Variants in SMC5 observed in about 807,000 individuals in gnomAD.
SMC5 encodes structural maintenance of chromosomes protein 5.
Under a neutral mutation model 148.3 loss-of-function variants are expected in SMC5, and 88 were observed. The ratio of observed to expected loss-of-function variants is 0.59; its 90% CI spans 0.50 to 0.71. The LOEUF is 0.71. SMC5 is among the 30% of genes least tolerant of loss of function. SMC5 has a pLI of 0.00. For missense variants in SMC5, 1,142 were observed against 1,298.9 expected, an observed-to-expected ratio of 0.88 and a Z score of 1.86; for synonymous variants, 421 against 432.8, an observed-to-expected ratio of 0.97 and a Z score of 0.34.
At chr9:70,290,131 T>A (rs189147547) in intron 8 of SMC5, among the ~76,000 whole-genome samples, 148 of 152,296 alleles carry the variant, frequency 9.7e-4, no homozygotes, top group Non-Finnish European at 1.6e-3. Context: ...GGATAAAGGA[T>A]AATCAGCCTG....
At chr9:70,345,062 T>A (rs1009777214) in intron 18 of SMC5, among the ~76,000 whole-genome samples, 1 of 152,172 alleles carries the variant, frequency 6.6e-6, no homozygotes, top group Non-Finnish European at 1.5e-5. Flanking sequence ...ATTGGATACA[T>A]ACTAGGAACT....
At chr9:70,271,727 A>G (rs571972797) in intron 3 of SMC5, among the ~76,000 whole-genome samples, 73 of 152,216 alleles carry the variant, frequency 4.8e-4, no homozygotes, top group Admixed American at 1.4e-3. Flanking sequence ...TCTCACTGAG[A>G]AGATAGGATT....
At chr9:70,312,315 C>T (rs74472982) in intron 11 of SMC5, among the ~76,000 whole-genome samples, 203 of 152,112 alleles carry the variant, frequency 1.3e-3, no homozygotes, top group African/African-American at 4.7e-3. Context: ...GGAACTGCAA[C>T]AGACTTTTAA....
At chr9:70,304,502 C>T (rs1490269416) in intron 10 of SMC5, among the ~76,000 whole-genome samples, 1 of 152,120 alleles carries the variant, frequency 6.6e-6, no homozygotes, top group African/African-American at 2.4e-5. Context: ...GCCTGGCCAA[C>T]ATGATTAAAC....
chr9:70,324,057 A>G lies in SMC5; in HGVS notation c.2311A>G (p.Ile771Val). The change falls in exon 17 of 25, where the codon ATT becomes GTT. Residue 771 changes from isoleucine to valine, a missense_variant. By Grantham distance (29) the Ile-to-Val change is conservative. This residue lies in a region of SMC5 where 743 missense variants were observed against 835.7 expected (regional missense o/e 0.89). Transcript: ENST00000361138. Reference sequence around the variant, plus strand: ...TTTGCATATACAAAAAGTAGATTTAATTCTCCAAAATACTACAGTGATCTC... The same window carrying G: ...TTTGCATATACAAAAAGTAGATTTAGTTCTCCAAAATACTACAGTGATCTC... Reference protein sequence around the residue: ...TSLHIQKVDLILQNTTVISEK... With the variant: ...TSLHIQKVDLVLQNTTVISEK... 6.3e-6 allele frequency: 10 copies of G among 1,588,018 alleles called. No individual in the cohort carries two copies. Among genetic ancestry groups the G allele is most frequent in the Admixed American group, 1.9e-5 (1 of 51,922 alleles).
At chr9:70,318,025 G>A (rs925046486) in intron 13 of SMC5, among the ~76,000 whole-genome samples, 3 of 152,086 alleles carry the variant, frequency 2.0e-5, no homozygotes, top group Non-Finnish European at 2.9e-5. Flanking sequence ...GTATAGTAGC[G>A]TAGAAGTATA....
intron 20 of SMC5, 37 bp from the exon 21 acceptor site, chr9:70,347,576 A>T: frequency 9.2e-7 from 1 of 1,089,016 alleles, no homozygotes; most frequent in Non-Finnish European, 1.3e-6. Context: ...ATCCTTTGGT[A>T]GATTTATCTT....
At chr9:70,289,842 T>C (rs1468487574) in intron 8 of SMC5, among the ~76,000 whole-genome samples, 1 of 151,624 alleles carries the variant, frequency 6.6e-6, no homozygotes, top group African/African-American at 2.4e-5. Context: ...CCCATGTCAG[T>C]ATCATCAGAA....
chr9:70,266,613 G>A (rs1405140018), intron 2 of SMC5, among the ~76,000 whole-genome samples: 2 of 152,118 alleles, frequency 1.3e-5, no homozygotes, highest in Non-Finnish European at 2.9e-5. Flanking sequence ...TTTTAAGGGA[G>A]GCTGTGGAGT....
rs754143386 is a variant in SMC5, at chr9:70,315,508, A to G, written c.1736A>G (p.Tyr579Cys). Reference protein sequence around the residue: ...LFDAPDPVMSYLCCQYHIHEV... With the variant: ...LFDAPDPVMSCLCCQYHIHEV... ...GATGCACCTGATCCTGTAATGAGTTACCTTTGCTGTCAGTATCATATTCAT... is the reference window on the plus strand; with the variant it reads ...GATGCACCTGATCCTGTAATGAGTTGCCTTTGCTGTCAGTATCATATTCAT... The change falls in exon 13 of 25, where the codon TAC becomes TGC. Residue 579 changes from tyrosine to cysteine, a missense_variant. By Grantham distance (194) the Tyr-to-Cys change is radical. Coordinates refer to ENST00000361138, the MANE Select transcript of SMC5 (RefSeq NM_015110.4). 6.2e-7 allele frequency: 1 copy of G among 1,600,056 alleles called. No individual in the cohort carries two copies. The highest frequency in any genetic ancestry group is 1.3e-5 in the African/African-American group (1 of 74,636).
chr9:70,261,576 A>T (rs771109272), intron 1 of SMC5, among the ~76,000 whole-genome samples: 2 of 152,222 alleles, frequency 1.3e-5, no homozygotes, highest in Non-Finnish European at 2.9e-5. Flanking sequence ...TCTAAGAGAG[A>T]TGTTCTATAG....
At chr9:70,315,378 T>A in intron 12 of SMC5, 68 bp from the exon 13 acceptor site, 1 of 1,132,052 alleles carries the variant, frequency 8.8e-7, no homozygotes, top group Non-Finnish European at 1.2e-6. Flanking sequence ...TATTGGTGGC[T>A]TATCAACTCC....
intron 8 of SMC5, among the ~76,000 whole-genome samples, chr9:70,287,011 C>T (rs1454444087): frequency 6.6e-6 from 1 of 152,134 alleles, no homozygotes; most frequent in African/African-American, 2.4e-5. Flanking sequence ...GCCACTGCCC[C>T]TGACTGGAAC....
rs2036858007 is a variant in SMC5 at position 70,354,144 on chromosome 9, T to G, written c.*1813T>G. 1.3e-5 allele frequency: 2 copies of G among 152,226 alleles called. No homozygotes were observed. The highest frequency in any genetic ancestry group is 2.9e-5 in the Non-Finnish European group (2 of 68,034). 9.4% of individuals were successfully genotyped at this position (152,226 alleles called of 1,614,324 possible). ...TGAATTTTGAGCTGTGAAGAATAAA[T>G]TATGTATCATTTTAGCATATTAAAC... On this transcript the variant is annotated 3_prime_UTR_variant, in exon 25 of 25. Transcript: ENST00000361138.
intron 22 of SMC5, among the ~76,000 whole-genome samples, chr9:70,349,315 C>G (rs1004039657): frequency 8.5e-5 from 13 of 152,302 alleles, no homozygotes; most frequent in African/African-American, 2.6e-4. Context: ...GATCCACCCC[C>G]CTCGGCCTCC....
Position 70,297,992 on chromosome 9 carries a change from A to G in SMC5, c.1080A>G (p.Ile360Met), listed in dbSNP as rs549857669. The G allele has an allele frequency of 1.2e-6, 2 of 1,613,666 alleles. No individual in the cohort carries two copies. Among genetic ancestry groups the G allele is most frequent in the Non-Finnish European group, 1.7e-6 (2 of 1,179,870 alleles). Residue 360 changes from isoleucine to methionine, a missense_variant, in exon 9 of 25, where the codon ATA (isoleucine) becomes ATG (methionine). Physicochemically the swap from Ile to Met is conservative, Grantham distance 10. Transcript: ENST00000361138. ...TTGAGGAACTTCAGCAGGCTTTAAT[A>G]GTAAAGCAAAATGAAGAGCTTGACC... ...KHIEELQQAL[I>M]VKQNEELDRQ...
intron 10 of SMC5, 26 bp from the exon 11 acceptor site, chr9:70,305,221 C>T (rs751913883): frequency 1.6e-5 from 17 of 1,056,954 alleles, no homozygotes; most frequent in African/African-American, 8.0e-5. Flanking sequence ...TCATGAAATT[C>T]GACCTTTTTT....
Position 70,326,614 on chromosome 9 carries a change from A to AT in SMC5, c.2397+2483dup, listed in dbSNP as rs1375739129. On this transcript the variant is annotated intron_variant, in intron 17 of 24. Transcript: ENST00000361138. The stretch of plus-strand genomic sequence containing the variant: ...CCAGAATCTTTTTTTTTTTTTTTTA[A>AT]TTTTTTTTTTTTAGCTGGGGGTAGG... 4.8e-3 allele frequency among the ~76,000 whole-genome samples: 663 copies of AT among 137,982 alleles called. 7 individuals carry two copies. The highest frequency in any genetic ancestry group is 0.015 in the African/African-American group (554 of 37,586). 90.5% of individuals were successfully genotyped at this position (137,982 alleles called of 152,430 possible). A position where few individuals can be genotyped will look rare whatever the true frequency, so the allele number is the denominator to read the frequency against.
At chr9:70,345,928 A>G (rs995967402) in intron 18 of SMC5, among the ~76,000 whole-genome samples, 1 of 152,162 alleles carries the variant, frequency 6.6e-6, no homozygotes, top group Admixed American at 6.6e-5. Flanking sequence ...AGAGAGAGGG[A>G]GAAGTTGACA....
Sources: gnomAD v4.1 joint callset for allele counts (sites outside exome capture counted in the v4.1 genomes callset) on GRCh38, gnomAD v4.1.1 for gene constraint, gnomAD v4.1.1 regional missense constraint, MANE v1.5 for transcripts, NCBI Gene and HGNC (gene_info 2026-07-23, HGNC 2026-07-21) for gene names.